Variants in FSTL4 observed in about 807,000 individuals in gnomAD.
FSTL4 encodes follistatin-related protein 4.
FSTL4 carries 28 observed loss-of-function variants against 78.2 expected under a neutral mutation model. The observed-to-expected ratio is 0.36, with a 90% CI of 0.27 to 0.49. The LOEUF (loss-of-function observed/expected upper bound fraction) is 0.49, where lower values mean the gene tolerates loss of function less well. FSTL4 is among the 20% of genes least tolerant of loss of function. The pLI is 0.98. For synonymous variants in FSTL4, 422 were observed against 440.5 expected (o/e 0.96, Z 0.53); for missense variants, 922 against 1,084.9 (o/e 0.85, Z 2.11).
At chr5:133,392,216 A>C (rs929231504) in intron 4 of FSTL4, among the ~76,000 whole-genome samples, 3 of 152,100 alleles carry the variant, frequency 2.0e-5, no homozygotes, top group Non-Finnish European at 2.9e-5. Context: ...GTGGAATGAG[A>C]GGTAGACTGA....
the FSTL4 span, among the ~76,000 whole-genome samples, chr5:133,764,469 C>G: frequency 6.6e-6 from 1 of 152,206 alleles, no homozygotes; most frequent in Non-Finnish European, 1.5e-5. Context: ...GGCATCTCAT[C>G]TCCTGAAACC....
At chr5:133,660,058 C>A in the FSTL4 span, among the ~76,000 whole-genome samples, 1 of 152,180 alleles carries the variant, frequency 6.6e-6, no homozygotes, top group Non-Finnish European at 1.5e-5. Flanking sequence ...TGCTCAAATT[C>A]AAACAGTGAG....
At chr5:133,418,753 A>T (rs1756632729) in intron 3 of FSTL4, among the ~76,000 whole-genome samples, 1 of 152,242 alleles carries the variant, frequency 6.6e-6, no homozygotes, top group Non-Finnish European at 1.5e-5. Context: ...CCTTCATTGA[A>T]GTATAATTGA....
At chr5:133,778,839 G>A in the FSTL4 span, among the ~76,000 whole-genome samples, 22 of 152,332 alleles carry the variant, frequency 1.4e-4, no homozygotes, top group Admixed American at 7.2e-4. Context: ...TCCTGCCCAG[G>A]GCTCTTCCCA....
At chr5:133,343,265 C>G (rs534059930) in intron 4 of FSTL4, among the ~76,000 whole-genome samples, 49 of 152,328 alleles carry the variant, frequency 3.2e-4, no homozygotes, top group African/African-American at 1.1e-3. Flanking sequence ...TTGACGCTAG[C>G]TCTGATGTGA....
intron 1 of FSTL4, among the ~76,000 whole-genome samples, chr5:133,605,043 C>T (rs1760949061): frequency 6.6e-6 from 1 of 152,168 alleles, no homozygotes; most frequent in Non-Finnish European, 1.5e-5. Flanking sequence ...ATGTGCTAAG[C>T]ATTGTGCTGA....
chr5:133,682,679 G>A, the FSTL4 span, among the ~76,000 whole-genome samples: 1 of 152,222 alleles, frequency 6.6e-6, no homozygotes, highest in African/African-American at 2.4e-5. Flanking sequence ...CCACAGAGCA[G>A]CCTGAAATGC....
At chr5:133,358,876 C>A (rs1344681590) in intron 4 of FSTL4, among the ~76,000 whole-genome samples, 1 of 152,060 alleles carries the variant, frequency 6.6e-6, no homozygotes, top group Non-Finnish European at 1.5e-5. Flanking sequence ...ATGCTATTTC[C>A]CGATTGCAAA....
chr5:133,826,565 C>T, the FSTL4 span, among the ~76,000 whole-genome samples: 5 of 152,242 alleles, frequency 3.3e-5, no homozygotes, highest in Non-Finnish European at 5.9e-5. Flanking sequence ...CACACTGCCT[C>T]CTCTTCGTGT....
At chr5:133,756,889 C>A in the FSTL4 span, among the ~76,000 whole-genome samples, 51 of 152,282 alleles carry the variant, frequency 3.3e-4, no homozygotes, top group South Asian at 8.9e-3. Context: ...CACTTCAGAA[C>A]CCCCTCAGTA....
chr5:133,704,153 T>G, the FSTL4 span, among the ~76,000 whole-genome samples: 1 of 152,130 alleles, frequency 6.6e-6, no homozygotes, highest in Non-Finnish European at 1.5e-5. Context: ...GAGGGCCCTC[T>G]CTGGAGTTCT....
the FSTL4 span, among the ~76,000 whole-genome samples, chr5:133,768,756 C>A: frequency 6.6e-6 from 1 of 152,190 alleles, no homozygotes; most frequent in Non-Finnish European, 1.5e-5. Flanking sequence ...TGAATTTTCC[C>A]TCAGAGAACA....
the FSTL4 span, among the ~76,000 whole-genome samples, chr5:133,760,773 A>G: frequency 1.3e-5 from 2 of 152,360 alleles, no homozygotes; most frequent in South Asian, 4.1e-4. Flanking sequence ...AGAGGAAAAA[A>G]AAGCAAGAAA....
At chr5:133,309,913 A>G (rs1753740361) in intron 6 of FSTL4, among the ~76,000 whole-genome samples, 1 of 152,212 alleles carries the variant, frequency 6.6e-6, no homozygotes, top group Non-Finnish European at 1.5e-5. Context: ...TTAAAATTAA[A>G]TCCAGAATGT....
At chr5:133,824,230 A>G in the FSTL4 span, among the ~76,000 whole-genome samples, 5 of 152,330 alleles carry the variant, frequency 3.3e-5, no homozygotes, top group African/African-American at 1.2e-4. Flanking sequence ...CCAGATGCCA[A>G]TCATAAATAG....
chr5:133,350,281 A>T (rs1754794426), intron 4 of FSTL4, among the ~76,000 whole-genome samples: 1 of 152,262 alleles, frequency 6.6e-6, no homozygotes, highest in Admixed American at 6.5e-5. Context: ...AGATAGTGTC[A>T]TACACTTACC....
chr5:133,561,570 GC>G (rs1295801831), intron 3 of FSTL4, among the ~76,000 whole-genome samples: 1 of 152,118 alleles, frequency 6.6e-6, no homozygotes, highest in Non-Finnish European at 1.5e-5. Flanking sequence ...CCTGGAAGAG[GC>G]CAATGTGCCA....
chr5:133,219,990 A>G (rs1287049641), intron 12 of FSTL4, among the ~76,000 whole-genome samples: 2 of 152,264 alleles, frequency 1.3e-5, no homozygotes, highest in African/African-American at 4.8e-5. Context: ...GCCACAAATG[A>G]GAGAAATGGA....
Position 133,580,062 on chromosome 5 carries a change from G to A in FSTL4, c.127-12843C>T, listed in dbSNP as rs994452409. 1.6e-4 allele frequency among the ~76,000 whole-genome samples: 24 copies of A among 152,274 alleles called. No individual in the cohort carries two copies. In the South Asian group the frequency reaches 2.7e-3, roughly 17 times the overall value. ...TCAGGCACACCCTCTTCTCCAAAGG[G>A]ACACTTGAAGATCCCTTAATCCAAG... On this transcript the variant is annotated intron_variant, in intron 2 of 15. Coordinates refer to ENST00000265342, the MANE Select transcript of FSTL4 (RefSeq NM_015082.2).
Sources: gnomAD v4.1 joint callset for allele counts (sites outside exome capture counted in the v4.1 genomes callset) on GRCh38, gnomAD v4.1.1 for gene constraint, MANE v1.5 for transcripts, NCBI Gene and HGNC (gene_info 2026-07-23, HGNC 2026-07-21) for gene names.